PRKCE: variants seen among roughly 807,000 people sequenced by gnomAD.
The protein encoded by PRKCE is protein kinase C epsilon, also known as protein kinase C epsilon type.
PRKCE carries 16 observed loss-of-function variants against 85.4 expected under a neutral mutation model. The observed-to-expected ratio is 0.19, with a 90% CI of 0.13 to 0.28. The LOEUF is 0.28. PRKCE is among the 10% of genes least tolerant of loss of function. The pLI, the probability that PRKCE is intolerant of heterozygous loss-of-function variation, is 1.00. For missense variants in PRKCE, 573 were observed against 975.2 expected (o/e 0.59, Z 5.49); for synonymous variants, 388 against 371.5 (o/e 1.04, Z -0.51).
At chr2:46,045,876 A>C (rs1456580304) in intron 10 of PRKCE, among the ~76,000 whole-genome samples, 2 of 149,778 alleles carry the variant, frequency 1.3e-5, no homozygotes, top group Non-Finnish European at 3.0e-5. Flanking sequence ...CTCTGTCTCA[A>C]ATAAAAAAAA....
At position 45,905,557 on chromosome 2, in the gene PRKCE, T is replaced by G. The variant is rs896449376; in HGVS notation, c.412+62494T>G. On this transcript the variant is annotated intron_variant, in intron 2 of 14. Coordinates refer to ENST00000306156, the MANE Select transcript of PRKCE (RefSeq NM_005400.3). The surrounding 1 kb of genome is among the most constrained non-coding windows in gnomAD (Gnocchi z 4.4). Reference sequence around the variant, plus strand: ...TAAGCACATTGGAGCCCTGTGAGCTTTCCTAAAAGCTGGGCAAAGCAGGGC... The same window carrying G: ...TAAGCACATTGGAGCCCTGTGAGCTGTCCTAAAAGCTGGGCAAAGCAGGGC... Among the ~76,000 whole-genome samples, 1 of 152,200 alleles carries G rather than the reference T, an allele frequency of 6.6e-6. No individual in the cohort carries two copies. The highest frequency in any genetic ancestry group is 6.5e-5 in the Admixed American group (1 of 15,284).
At chr2:46,032,635 A>C (rs1329100391) in intron 10 of PRKCE, among the ~76,000 whole-genome samples, 1 of 152,208 alleles carries the variant, frequency 6.6e-6, no homozygotes, top group African/African-American at 2.4e-5. Flanking sequence ...AAAAATGCCC[A>C]GGCAACAATG....
chr2:46,089,093 C>T (rs1489081850), intron 11 of PRKCE, among the ~76,000 whole-genome samples: 3 of 152,232 alleles, frequency 2.0e-5, no homozygotes, highest in Non-Finnish European at 1.5e-5. Context: ...CCATTCTCTT[C>T]TCCCCACTTG....
intron 12 of PRKCE, among the ~76,000 whole-genome samples, chr2:46,146,112 A>G (rs1375124144): frequency 1.3e-5 from 2 of 152,222 alleles, no homozygotes; most frequent in East Asian, 1.9e-4. Flanking sequence ...GCCTTTCCTG[A>G]AAGTTGTTTG....
chr2:45,924,154 A>C (rs959153757), intron 2 of PRKCE, among the ~76,000 whole-genome samples: 7 of 151,918 alleles, frequency 4.6e-5, no homozygotes, highest in Non-Finnish European at 7.4e-5. Context: ...TTTCATGGGA[A>C]CCTTTCCTTA....
intron 11 of PRKCE, among the ~76,000 whole-genome samples, chr2:46,118,165 C>T (rs994998653): frequency 6.6e-6 from 1 of 152,288 alleles, no homozygotes; most frequent in South Asian, 2.1e-4. Flanking sequence ...AGGACAGTTT[C>T]GTGGAATTAT....
intron 11 of PRKCE, among the ~76,000 whole-genome samples, chr2:46,108,085 G>A (rs888945173): frequency 4.6e-5 from 7 of 152,098 alleles, no homozygotes; most frequent in South Asian, 4.1e-4. Flanking sequence ...GTGCCATTGC[G>A]CCTGGCTAAT....
intron 1 of PRKCE, among the ~76,000 whole-genome samples, chr2:45,795,401 C>T (rs981686025): frequency 6.6e-5 from 10 of 152,096 alleles, no homozygotes; most frequent in East Asian, 3.9e-4. Flanking sequence ...CTCCGCCTCC[C>T]GGGTTCAAGT....
At chr2:45,862,233 T>TTCAAATCTGTTACTCTGA (rs1158049586) in intron 2 of PRKCE, among the ~76,000 whole-genome samples, 1 of 145,174 alleles carries the variant, frequency 6.9e-6, no homozygotes, top group African/African-American at 2.6e-5. Flanking sequence ...CACACAGTAT[T>TTCAAATCTGTTACTCTGA]TCAAATCTGT....
intron 1 of PRKCE, among the ~76,000 whole-genome samples, chr2:45,768,580 G>A (rs1685086652): frequency 6.6e-6 from 1 of 152,190 alleles, no homozygotes; most frequent in South Asian, 2.1e-4. Flanking sequence ...TGAGGGCTGG[G>A]AGATGATGCT....
At chr2:45,917,997 C>T (rs1029140572) in intron 2 of PRKCE, among the ~76,000 whole-genome samples, 3 of 152,242 alleles carry the variant, frequency 2.0e-5, no homozygotes, top group African/African-American at 4.8e-5. Flanking sequence ...CACGCCCACC[C>T]GGAACTCTAG....
chr2:45,794,238 G>A (rs1404743748), intron 1 of PRKCE, among the ~76,000 whole-genome samples: 1 of 152,104 alleles, frequency 6.6e-6, no homozygotes, highest in Non-Finnish European at 1.5e-5. Flanking sequence ...TTTAAAAAGC[G>A]ATTGCTCATG....
rs939212654 is a variant in PRKCE, at chr2:45,697,054, T to C, written c.348+44606T>C. 1.3e-5 allele frequency among the ~76,000 whole-genome samples: 2 copies of C among 152,252 alleles called. No individual in the cohort carries two copies. Among genetic ancestry groups the C allele is most frequent in the African/African-American group, 4.8e-5 (2 of 41,466 alleles). ...GGTGCAGAGCTGAAAGCAAACCTTT[T>C]TGTGACTACATTAATGTCCATGGTA... is the stretch of plus-strand genomic sequence containing the variant. On this transcript the variant is annotated intron_variant, in intron 1 of 14. Transcript: ENST00000306156. The surrounding 1 kb of genome is among the most constrained non-coding windows in gnomAD (Gnocchi z 4.2).
rs569016222 is a variant in PRKCE, at chr2:45,850,814, G to A, written c.412+7751G>A. Among the ~76,000 whole-genome samples, 7 of 152,270 alleles carry A rather than the reference G, an allele frequency of 4.6e-5. No individual in the cohort carries two copies. The South Asian group carries it at 1.5e-3, about 32-fold the overall frequency. ...CAAGTGCACACAGGTGAGAATGAGT[G>A]TCTCTGAATCACCTATTCTGTCTCC... On this transcript the variant is annotated intron_variant, in intron 2 of 14. Transcript: ENST00000306156.
chr2:46,169,435 A>C (rs1212714040), intron 14 of PRKCE, among the ~76,000 whole-genome samples: 1 of 151,846 alleles, frequency 6.6e-6, no homozygotes, highest in Non-Finnish European at 1.5e-5. Flanking sequence ...TCCTCTGGCT[A>C]CTCCTTTCTG....
At chr2:45,978,633 A>C in intron 3 of PRKCE, 1 of 231,734 alleles carries the variant, frequency 4.3e-6, no homozygotes, top group South Asian at 8.3e-5. Flanking sequence ...TTCTATCCAC[A>C]AGGAAAGGTA....
intron 1 of PRKCE, among the ~76,000 whole-genome samples, chr2:45,669,312 G>T (rs1400804842): frequency 6.6e-6 from 1 of 152,220 alleles, no homozygotes; most frequent in Non-Finnish European, 1.5e-5. Context: ...TTGTGGGTGG[G>T]ATTTACAGCA....
chr2:45,809,145 C>T (rs887057583), intron 1 of PRKCE, among the ~76,000 whole-genome samples: 1 of 152,158 alleles, frequency 6.6e-6, no homozygotes, highest in Admixed American at 6.5e-5. Context: ...GGGCCCCCTT[C>T]TAGTCCTGGA....
At chr2:45,971,294 A>C (rs982586626) in intron 2 of PRKCE, among the ~76,000 whole-genome samples, 4 of 152,160 alleles carry the variant, frequency 2.6e-5, no homozygotes, top group Admixed American at 2.6e-4. Context: ...GGCTTGTTTC[A>C]CTTAGCCAAT....
Sources: allele counts gnomAD v4.1 joint callset (sites outside exome capture counted in the v4.1 genomes callset), GRCh38; gene constraint gnomAD v4.1.1; non-coding constraint Gnocchi (gnomAD v3.1); transcripts MANE v1.5; gene names NCBI Gene and HGNC (gene_info 2026-07-23, HGNC 2026-07-21).